DTD1: variants seen among roughly 807,000 people sequenced by gnomAD.
DTD1 encodes the protein D-tyrosyl-tRNA deacylase 1 homolog.
Under a neutral mutation model 25.6 loss-of-function variants are expected in DTD1, and 13 were observed. The ratio of observed to expected loss-of-function variants is 0.51; its 90% CI spans 0.33 to 0.81. The LOEUF is 0.81. Ranked by LOEUF, DTD1 falls within the 30% of genes least tolerant of loss-of-function variation. The pLI is 0.02. For synonymous variants in DTD1, 110 were observed against 103.6 expected (o/e 1.06, Z -0.37); for missense variants, 193 against 266.4 (o/e 0.72, Z 1.92).
chr20:18,596,307 G>T (rs1268421943), intron 3 of DTD1, 66 bp downstream of exon 3: 2 of 1,331,350 alleles, frequency 1.5e-6, no homozygotes, highest in African/African-American at 2.9e-5. Flanking sequence ...GAAAAAAGAA[G>T]CTGCAACTGC....
chr20:18,756,630 T>C (rs2061340438), intron 5 of DTD1, among the ~76,000 whole-genome samples: 3 of 152,128 alleles, frequency 2.0e-5, no homozygotes, highest in African/African-American at 7.2e-5. Context: ...TTGGTCTATA[T>C]CTCTGTTTTG....
chr20:18,667,552 C>G (rs750792747), intron 4 of DTD1, among the ~76,000 whole-genome samples: 2 of 139,424 alleles, frequency 1.4e-5, no homozygotes, highest in Non-Finnish European at 3.3e-5. Flanking sequence ...GCGTGTGTCC[C>G]TTGAAGGGAA....
chr20:18,649,074 C>T (rs376696151), intron 4 of DTD1, among the ~76,000 whole-genome samples: 45 of 148,448 alleles, frequency 3.0e-4, no homozygotes, highest in African/African-American at 5.7e-4. Flanking sequence ...TATTTTGTAG[C>T]TCCTACATCA....
At chr20:18,627,335 A>T (rs1359645755) in intron 3 of DTD1, among the ~76,000 whole-genome samples, 1 of 152,190 alleles carries the variant, frequency 6.6e-6, no homozygotes, top group Non-Finnish European at 1.5e-5. Context: ...GAAGGACCTC[A>T]GGGTGTGAGG....
At chr20:18,689,357 A>G (rs2061032660) in intron 4 of DTD1, among the ~76,000 whole-genome samples, 1 of 152,098 alleles carries the variant, frequency 6.6e-6, no homozygotes. Context: ...ATTCTTTATC[A>G]GTTTTCTCTC....
At position 18,593,588 on chromosome 20, in the gene DTD1, T is replaced by C. The variant is rs765834847; in HGVS notation, c.44-143T>C. On this transcript the variant is annotated intron_variant, in intron 1 of 5. Transcript: ENST00000377452. The stretch of plus-strand genomic sequence containing the variant: ...ATCTCACTGCATTTATGTAACTCTT[T>C]TCATTTTCGAATACGTACTGACTTT... The C allele has an allele frequency of 8.1e-6, 5 of 618,266 alleles. No homozygotes were observed. In the East Asian group the frequency reaches 1.5e-4, roughly 18 times the overall value. The allele number at this position is 618,266 out of a possible 1,614,324, so 38.3% of individuals were successfully genotyped here.
chr20:18,595,035 G>C (rs763662331), intron 2 of DTD1, among the ~76,000 whole-genome samples: 1 of 152,168 alleles, frequency 6.6e-6, no homozygotes, highest in Non-Finnish European at 1.5e-5. Flanking sequence ...CAAATGGTGA[G>C]ATTTCAGCTT....
At chr20:18,732,512 A>G (rs559907574) in intron 4 of DTD1, among the ~76,000 whole-genome samples, 1 of 152,330 alleles carries the variant, frequency 6.6e-6, no homozygotes, top group Admixed American at 6.5e-5. Context: ...TGGCCAGTGC[A>G]TCTCCTTCAG....
intron 3 of DTD1, 46 bp downstream of exon 3, chr20:18,596,287 T>C (rs757465377): frequency 6.7e-7 from 1 of 1,502,904 alleles, no homozygotes; most frequent in Non-Finnish European, 9.1e-7. Flanking sequence ...GGGACACTCC[T>C]GGATGGAGAG....
At chr20:18,745,539 C>G (rs978368426) in intron 5 of DTD1, among the ~76,000 whole-genome samples, 1 of 152,142 alleles carries the variant, frequency 6.6e-6, no homozygotes, top group African/African-American at 2.4e-5. Context: ...CCTCAGAGGC[C>G]TGGGACCAGA....
chr20:18,684,765 C>T (rs2061010256), intron 4 of DTD1, among the ~76,000 whole-genome samples: 1 of 152,104 alleles, frequency 6.6e-6, no homozygotes. Flanking sequence ...TCAGTTTGTC[C>T]AGCCTTTTCT....
intron 4 of DTD1, among the ~76,000 whole-genome samples, chr20:18,692,349 A>C (rs147467908): frequency 4.9e-4 from 75 of 152,354 alleles, no homozygotes; most frequent in Admixed American, 1.7e-3. Context: ...GGAACGTAGC[A>C]TCTCCATTCA....
chr20:18,611,897 A>C (rs6136432), intron 3 of DTD1, among the ~76,000 whole-genome samples: 127,289 of 151,982 alleles, frequency 0.84, 54,249 homozygotes, highest in Non-Finnish European at 0.93. Flanking sequence ...CTCTGTCACC[A>C]AGGCTAGAGT....
intron 4 of DTD1, among the ~76,000 whole-genome samples, chr20:18,660,077 A>G (rs1283868342): frequency 6.6e-6 from 1 of 152,126 alleles, no homozygotes; most frequent in East Asian, 1.9e-4. Context: ...ATCTCTACTA[A>G]AAATACAAAA....
chr20:18,719,478 G>A (rs1166079177), intron 4 of DTD1, among the ~76,000 whole-genome samples: 1 of 152,246 alleles, frequency 6.6e-6, no homozygotes, highest in Non-Finnish European at 1.5e-5. Context: ...AATGGCTGGA[G>A]CCTTTACATG....
intron 5 of DTD1, among the ~76,000 whole-genome samples, chr20:18,760,049 C>T (rs118027846): frequency 7.9e-5 from 12 of 152,338 alleles, no homozygotes; most frequent in Middle Eastern, 3.4e-3. Context: ...CTTATGCGTT[C>T]GTCACATAGT....
intron 1 of DTD1, chr20:18,588,672 G>T (rs2060576221): frequency 1.0e-6 from 1 of 961,800 alleles, no homozygotes; most frequent in Non-Finnish European, 1.2e-6. Context: ...GCTGGATGAG[G>T]GGCGCCCCCT....
chr20:18,597,990 T>C (rs1365445709), intron 3 of DTD1, among the ~76,000 whole-genome samples: 1 of 37,126 alleles, frequency 2.7e-5, no homozygotes, highest in Admixed American at 2.7e-4. Flanking sequence ...ACATTTTGTC[T>C]TTTTTTGTAA....
intron 4 of DTD1, among the ~76,000 whole-genome samples, chr20:18,644,231 A>G (rs573429231): frequency 0.035 from 1,303 of 37,754 alleles, 11 homozygotes; most frequent in Non-Finnish European, 0.068. Context: ...TATTTCAAAC[A>G]TACTAGATCT....
Sources: allele counts gnomAD v4.1 joint callset (sites outside exome capture counted in the v4.1 genomes callset), GRCh38; gene constraint gnomAD v4.1.1; transcripts MANE v1.5; gene names NCBI Gene and HGNC (gene_info 2026-07-23, HGNC 2026-07-21).